The following SLC6A2 variants were observed in gnomAD, a reference collection of about 807,000 sequenced individuals.
The protein encoded by SLC6A2 is solute carrier family 6 member 2.
Under a neutral mutation model 71.7 loss-of-function variants are expected in SLC6A2, and 26 were observed. The observed-to-expected ratio is 0.36, with a 90% CI of 0.27 to 0.50. SLC6A2 has a LOEUF of 0.50. Ranked by LOEUF, SLC6A2 falls within the 20% of genes least tolerant of loss-of-function variation. SLC6A2 has a pLI of 0.96. For missense variants in SLC6A2, 581 were observed against 803.9 expected, an observed-to-expected ratio of 0.72 and a Z score of 3.35; for synonymous variants, 363 against 337.9, an observed-to-expected ratio of 1.07 and a Z score of -0.82.
intron 4 of SLC6A2, among the ~76,000 whole-genome samples, chr16:55,681,429 G>T (rs1965268541): frequency 6.6e-6 from 1 of 152,244 alleles, no homozygotes; most frequent in South Asian, 2.1e-4. Context: ...TCGATGAAAG[G>T]ATTCGGGTCA....
rs72297759 is a variant in SLC6A2, at chr16:55,702,747, CA to C, written c.*415del. On this transcript the variant is annotated 3_prime_UTR_variant, in exon 15 of 15. Transcript: ENST00000568943. ...TGGGCTTTTGATCAGATACCCCTCC[CA>C]AAAAAAAAAAAAACTAAAACTAAAG... 3.1e-4 allele frequency: 289 copies of C among 918,478 alleles called. No homozygotes were observed. Among genetic ancestry groups the C allele is most frequent in the East Asian group, 1.7e-3 (15 of 8,966 alleles). The allele number at this position is 918,478 out of a possible 1,614,324, so 56.9% of individuals were successfully genotyped here.
intron 7 of SLC6A2, 84 bp downstream of exon 7, chr16:55,694,197 A>G (rs575784740): frequency 4.8e-5 from 49 of 1,017,318 alleles, no homozygotes; most frequent in Non-Finnish European, 7.5e-5. Flanking sequence ...CTGGTCTGGA[A>G]GCCAACTCTC....
intron 6 of SLC6A2, among the ~76,000 whole-genome samples, chr16:55,693,241 G>A (rs532001252): frequency 1.3e-5 from 2 of 152,298 alleles, no homozygotes; most frequent in East Asian, 3.9e-4. Flanking sequence ...ACAAAAATTA[G>A]CGGGGCACGG....
intron 2 of SLC6A2, among the ~76,000 whole-genome samples, chr16:55,657,375 G>A (rs2142476080): frequency 6.6e-6 from 1 of 152,244 alleles, no homozygotes; most frequent in Non-Finnish European, 1.5e-5. Flanking sequence ...GCTCTTGAAG[G>A]GGCACCAGAA....
At chr16:55,685,049 C>G in intron 4 of SLC6A2, 94 bp from the exon 5 acceptor site, 1 of 1,246,056 alleles carries the variant, frequency 8.0e-7, no homozygotes, top group Non-Finnish European at 1.2e-6. Flanking sequence ...CTGTCTCCAT[C>G]AGCATGCATT....
intron 2 of SLC6A2, among the ~76,000 whole-genome samples, chr16:55,667,285 T>A (rs1446029887): frequency 6.6e-6 from 1 of 152,134 alleles, no homozygotes; most frequent in Non-Finnish European, 1.5e-5. Flanking sequence ...CAAGGCAGAG[T>A]GGGGCTGCGC....
At chr16:55,671,492 T>G (rs1023479361) in intron 3 of SLC6A2, among the ~76,000 whole-genome samples, 3 of 152,098 alleles carry the variant, frequency 2.0e-5, no homozygotes, top group South Asian at 2.1e-4. Context: ...AACCGGCCTG[T>G]TAGGAACCGG....
At chr16:55,673,564 TA>T (rs1409742895) in intron 4 of SLC6A2, among the ~76,000 whole-genome samples, 1 of 149,694 alleles carries the variant, frequency 6.7e-6, no homozygotes, top group Non-Finnish European at 1.5e-5. Flanking sequence ...TATTTTATTT[TA>T]TTTTTTTGTT....
rs13306040 is a variant in SLC6A2, at chr16:55,669,435, T to G, written c.275-130T>G. On this transcript the variant is annotated intron_variant, in intron 2 of 14. Coordinates refer to ENST00000568943, the MANE Select transcript of SLC6A2 (RefSeq NM_001172501.3). ...TACTCTTATGATAATTAGTATTGAT[T>G]GCTGCGCGTCGCCTTTGGAAACAGC... 83 of 829,300 alleles carry G rather than the reference T, an allele frequency of 1.0e-4. 1 individual carries two copies. The East Asian group carries it at 2.0e-3, about 20-fold the overall frequency. The allele number at this position is 829,300 out of a possible 1,614,324, so 51.4% of individuals were successfully genotyped here.
Position 55,702,576 on chromosome 16 carries a change from A to T in SLC6A2, c.*230A>T. 8 of 1,440,348 alleles carry T rather than the reference A, an allele frequency of 5.6e-6. No individual in the cohort carries two copies. The highest frequency in any genetic ancestry group is 7.3e-6 in the Non-Finnish European group (8 of 1,097,376). 89.2% of individuals were successfully genotyped at this position (1,440,348 alleles called of 1,614,324 possible). ...GAGGAGAGGAGCAAACAGGAAAATG[A>T]CTTCTGTTCTGTCCCCGCTGTTTTG... On this transcript the variant is annotated 3_prime_UTR_variant, in exon 15 of 15. Coordinates refer to ENST00000568943, the MANE Select transcript of SLC6A2 (RefSeq NM_001172501.3).
chr16:55,683,662 A>G (rs77470850), intron 4 of SLC6A2, among the ~76,000 whole-genome samples: 3 of 152,040 alleles, frequency 2.0e-5, no homozygotes, highest in Non-Finnish European at 4.4e-5. Context: ...CAAAAGAAAA[A>G]AAACCCAAAC....
intron 2 of SLC6A2, among the ~76,000 whole-genome samples, chr16:55,664,277 G>A (rs1383437979): frequency 6.6e-6 from 1 of 152,122 alleles, no homozygotes; most frequent in African/African-American, 2.4e-5. Context: ...CTACCTTCAT[G>A]CCATCCTTCA....
At chr16:55,684,558 T>C (rs1965385870) in intron 4 of SLC6A2, among the ~76,000 whole-genome samples, 1 of 152,166 alleles carries the variant, frequency 6.6e-6, no homozygotes, top group Non-Finnish European at 1.5e-5. Flanking sequence ...CACTTTTGTC[T>C]CAGTCTCTAG....
At position 55,685,252 on chromosome 16, in the gene SLC6A2, C is replaced by T. The variant is rs757601350; in HGVS notation, c.754C>T (p.Leu252Phe). 1.2e-6 allele frequency: 2 copies of T among 1,614,146 alleles called. No individual in the cohort carries two copies. The highest frequency in any genetic ancestry group is 3.3e-5 in the Admixed American group (2 of 60,026). Residue 252 changes from leucine (L) to phenylalanine (F), a missense_variant, in exon 5 of 15, where the codon CTC (leucine) becomes TTC (phenylalanine). By Grantham distance (22) the Leu-to-Phe change is conservative (BLOSUM62 0). Coordinates refer to ENST00000568943, the MANE Select transcript of SLC6A2 (RefSeq NM_001172501.3). ...CGTCGTCATCGTCTTGTATTTTAGC[C>T]TCTGGAAAGGGGTGAAGACATCAGG... ...MVVVIVLYFS[L>F]WKGVKTSGKV...
intron 2 of SLC6A2, among the ~76,000 whole-genome samples, chr16:55,659,461 A>T (rs17306977): frequency 0.1 from 15,605 of 152,142 alleles, 896 homozygotes; most frequent in Non-Finnish European, 0.12. Context: ...AAGCTGACCG[A>T]GGGCACTTTC....
Position 55,692,777 on chromosome 16 carries a change from C to T in SLC6A2, c.918+725C>T, listed in dbSNP as rs538328657. On this transcript the variant is annotated intron_variant, in intron 6 of 14. Transcript: ENST00000568943. ...GAACCCATAATAATCCTGGCAGGCC[C>T]CAGCAGCACAGGATGAAGAGGGATG... Among the ~76,000 whole-genome samples, 21 of 152,278 alleles carry T rather than the reference C, an allele frequency of 1.4e-4. No homozygotes were observed. The South Asian group carries it at 4.3e-3, about 32-fold the overall frequency.
chr16:55,673,018 C>T (rs2142518578), intron 4 of SLC6A2, among the ~76,000 whole-genome samples: 1 of 152,356 alleles, frequency 6.6e-6, no homozygotes, highest in South Asian at 2.1e-4. Context: ...AGCTAACAAG[C>T]TGCAGACCTT....
rs1418885665 is a variant in SLC6A2, at chr16:55,700,067, T to A, written c.1591-72T>A. 3.7e-6 allele frequency: 5 copies of A among 1,335,590 alleles called. No individual in the cohort carries two copies. The African/African-American group carries it at 7.2e-5, about 19-fold the overall frequency. 82.7% of individuals were successfully genotyped at this position (1,335,590 alleles called of 1,614,324 possible). ...ATTTCTCTCCCACCTTTCTTCCACC[T>A]CCTTCTCTCTTTCCTTTCTTGTCTC... On this transcript the variant is annotated intron_variant, in intron 12 of 14. Coordinates refer to ENST00000568943, the MANE Select transcript of SLC6A2 (RefSeq NM_001172501.3).
chr16:55,691,230 GGAGAGAGAGAGA>G (rs56308124), intron 5 of SLC6A2, among the ~76,000 whole-genome samples: 12,886 of 46,358 alleles, frequency 0.28, 1,522 homozygotes, highest in Middle Eastern at 0.35. Flanking sequence ...GGGGAGAGGG[GGAGAGAGAGAGA>G]GAGAGAGAGA....
Sources: gnomAD v4.1 joint callset for allele counts (sites outside exome capture counted in the v4.1 genomes callset) on GRCh38, gnomAD v4.1.1 for gene constraint, MANE v1.5 for transcripts, NCBI Gene and HGNC (gene_info 2026-07-23, HGNC 2026-07-21) for gene names.